ITPR1: variants seen among roughly 807,000 people sequenced by gnomAD.
The protein encoded by ITPR1 is inositol 1,4,5-trisphosphate-gated calcium channel ITPR1.
Under a neutral mutation model 318.4 loss-of-function variants are expected in ITPR1, and 96 were observed. The ratio of observed to expected loss-of-function variants is 0.30; its 90% confidence interval spans 0.26 to 0.36. The LOEUF is 0.36. Ranked by LOEUF, ITPR1 falls within the 10% of genes least tolerant of loss-of-function variation. The pLI is 1.00. For synonymous variants in ITPR1, 1,312 were observed against 1,289.9 expected, an observed-to-expected ratio of 1.02 and a Z score of -0.37; for missense variants, 2,440 against 3,460.2, an observed-to-expected ratio of 0.71 and a Z score of 7.40.
At chr3:4,660,589 T>A (rs1182931763) in intron 13 of ITPR1, among the ~76,000 whole-genome samples, 2 of 152,212 alleles carry the variant, frequency 1.3e-5, no homozygotes, top group African/African-American at 4.8e-5. Flanking sequence ...TCCAGAAATT[T>A]TATGATCTCA....
Position 4,846,332 on chromosome 3 carries a change from T to G in ITPR1, c.*107T>G. The G allele has an allele frequency of 1.4e-6, 1 of 692,028 alleles. No individual in the cohort carries two copies. The allele number at this position is 692,028 out of a possible 1,614,324, so 42.9% of individuals were successfully genotyped here. ...GAAGGTTACATTTATGCTGAATACATTTGTAAATACTCAGTTTTATACTGT... is the reference window on the plus strand; with the variant it reads ...GAAGGTTACATTTATGCTGAATACAGTTGTAAATACTCAGTTTTATACTGT... On this transcript the variant is annotated 3_prime_UTR_variant, in exon 62 of 62. Transcript: ENST00000649015.
chr3:4,819,589 T>C (rs1297335870), intron 60 of ITPR1, among the ~76,000 whole-genome samples: 2 of 152,200 alleles, frequency 1.3e-5, no homozygotes, highest in Non-Finnish European at 2.9e-5. Flanking sequence ...AGGAGAAATA[T>C]TCCTAATCCT....
intron 44 of ITPR1, among the ~76,000 whole-genome samples, chr3:4,748,078 A>C (rs917439564): frequency 6.6e-6 from 1 of 152,144 alleles, no homozygotes; most frequent in African/African-American, 2.4e-5. Flanking sequence ...GCCAGTAGGT[A>C]CTCTATCTGG....
At chr3:4,732,712 A>T (rs2043011137) in intron 42 of ITPR1, among the ~76,000 whole-genome samples, 1 of 152,212 alleles carries the variant, frequency 6.6e-6, no homozygotes, top group Non-Finnish European at 1.5e-5. Context: ...TGTGGTTGAA[A>T]TAACATTTTT....
At chr3:4,592,883 G>A (rs1029749945) in intron 4 of ITPR1, among the ~76,000 whole-genome samples, 2 of 152,158 alleles carry the variant, frequency 1.3e-5, no homozygotes, top group African/African-American at 4.8e-5. Flanking sequence ...CAAATACAGG[G>A]ACTCTGAGTG....
At chr3:4,601,360 A>C (rs1328084653) in intron 4 of ITPR1, among the ~76,000 whole-genome samples, 2 of 151,746 alleles carry the variant, frequency 1.3e-5, no homozygotes, top group East Asian at 3.9e-4. Flanking sequence ...GTGTGCAAAA[A>C]ATACAAAAAT....
At chr3:4,783,661 C>T (rs1021906154) in intron 50 of ITPR1, among the ~76,000 whole-genome samples, 155 bp from the exon 51 acceptor site, 7 of 152,258 alleles carry the variant, frequency 4.6e-5, no homozygotes, top group Non-Finnish European at 5.9e-5. Context: ...GTGCACAGCA[C>T]GCCGTGATGG....
Position 4,606,238 on chromosome 3 carries a change from G to T in ITPR1, c.164-21525G>T, listed in dbSNP as rs536369003. Among the ~76,000 whole-genome samples, 8 of 152,252 alleles carry T rather than the reference G, an allele frequency of 5.3e-5. No homozygotes were observed. The East Asian group carries it at 1.2e-3, about 22-fold the overall frequency. ...TTGGGATTCTGGAGGAGGCAGTGACGAACCCTGTGTGGTAGGGTGGAGTAG... is the reference window on the plus strand; with the variant it reads ...TTGGGATTCTGGAGGAGGCAGTGACTAACCCTGTGTGGTAGGGTGGAGTAG... On this transcript the variant is annotated intron_variant, in intron 4 of 61. Transcript: ENST00000649015.
At chr3:4,579,967 T>C (rs959951443) in intron 4 of ITPR1, among the ~76,000 whole-genome samples, 2 of 152,106 alleles carry the variant, frequency 1.3e-5, no homozygotes, top group Admixed American at 6.5e-5. Context: ...TCCCAGCACT[T>C]TGGGAGGCCG....
At chr3:4,524,073 G>A (rs996338670) in intron 4 of ITPR1, among the ~76,000 whole-genome samples, 21 of 152,180 alleles carry the variant, frequency 1.4e-4, no homozygotes, top group Non-Finnish European at 2.6e-4. Context: ...GGGAAAATCT[G>A]GTTCAAAACA....
At chr3:4,548,708 T>G (rs1401537357) in intron 4 of ITPR1, among the ~76,000 whole-genome samples, 1 of 152,176 alleles carries the variant, frequency 6.6e-6, no homozygotes, top group Non-Finnish European at 1.5e-5. Context: ...GGGGCTAAAT[T>G]TGAGGGCTAG....
intron 40 of ITPR1, among the ~76,000 whole-genome samples, chr3:4,719,092 G>A (rs1008859736): frequency 6.6e-6 from 1 of 152,190 alleles, no homozygotes; most frequent in South Asian, 2.1e-4. Flanking sequence ...TAGAACTTGG[G>A]TCTCCTGGCT....
At chr3:4,792,401 C>T (rs932789023) in intron 52 of ITPR1, among the ~76,000 whole-genome samples, 1 of 152,204 alleles carries the variant, frequency 6.6e-6, no homozygotes, top group Non-Finnish European at 1.5e-5. Flanking sequence ...CCCAACATGT[C>T]GTGACTTAAA....
chr3:4,697,640 CAG>C (rs2094581926), intron 34 of ITPR1, among the ~76,000 whole-genome samples: 1 of 151,730 alleles, frequency 6.6e-6, no homozygotes, highest in South Asian at 2.1e-4. Context: ...TTAGTAGAAA[CAG>C]GGTTTCATCA....
intron 60 of ITPR1, among the ~76,000 whole-genome samples, chr3:4,822,135 C>T (rs1436692373): frequency 3.3e-5 from 5 of 152,276 alleles, no homozygotes; most frequent in East Asian, 1.9e-4. Flanking sequence ...CTGTACATCG[C>T]GGTTCCTACC....
intron 4 of ITPR1, among the ~76,000 whole-genome samples, chr3:4,613,067 G>A (rs1028411414): frequency 1.3e-5 from 2 of 152,170 alleles, no homozygotes; most frequent in Non-Finnish European, 2.9e-5. Flanking sequence ...GTGGTTGGGG[G>A]TACAGTTTGC....
intron 36 of ITPR1, 94 bp from the exon 37 acceptor site, chr3:4,706,073 A>G: frequency 7.9e-6 from 11 of 1,397,506 alleles, no homozygotes; most frequent in Non-Finnish European, 1.1e-5. Context: ...CTGGGTGTGA[A>G]AAACCTGCTG....
At position 4,847,229 on chromosome 3, in the gene ITPR1, A is replaced by AGTC. The variant is rs1158658909; in HGVS notation, c.*1005_*1007dup. ...ATGAAATATGAACTATCTCATTAGAAGTCATAGTTGACCACAGACATGTTA... is the reference window on the plus strand; with the variant it reads ...ATGAAATATGAACTATCTCATTAGAAGTCGTCATAGTTGACCACAGACATGTTA... On this transcript the variant is annotated 3_prime_UTR_variant, in exon 62 of 62. Transcript: ENST00000649015. 1 of 152,658 alleles carries AGTC rather than the reference A, an allele frequency of 6.6e-6. No homozygotes were observed. Among genetic ancestry groups the AGTC allele is most frequent in the East Asian group, 1.9e-4 (1 of 5,202 alleles). 9.5% of individuals were successfully genotyped at this position (152,658 alleles called of 1,614,324 possible).
At chr3:4,709,579 T>G (rs1159598555) in intron 37 of ITPR1, among the ~76,000 whole-genome samples, 1 of 152,222 alleles carries the variant, frequency 6.6e-6, no homozygotes, top group African/African-American at 2.4e-5. Context: ...GAGCAGGCTT[T>G]AGCATCTTTT....
Sources: gnomAD v4.1 joint callset for allele counts (sites outside exome capture counted in the v4.1 genomes callset) on GRCh38, gnomAD v4.1.1 for gene constraint, MANE v1.5 for transcripts, NCBI Gene and HGNC (gene_info 2026-07-23, HGNC 2026-07-21) for gene names.